DPP8: variants seen among roughly 807,000 people sequenced by gnomAD.
The protein encoded by DPP8 is dipeptidyl peptidase 8.
DPP8 carries 31 observed loss-of-function variants against 107.5 expected under a neutral mutation model. The ratio of observed to expected loss-of-function variants is 0.29; its 90% CI spans 0.22 to 0.39. DPP8 has a LOEUF of 0.39. Among genes scored for constraint, DPP8 ranks in the 10% least tolerant of loss-of-function variants. The probability of loss-of-function intolerance (pLI) is 1.00; values close to 1 mark genes in which losing one functional copy is unlikely to be tolerated. For synonymous variants in DPP8, 381 were observed against 356.6 expected (o/e 1.07, Z -0.77); for missense variants, 842 against 1,076.1 (o/e 0.78, Z 3.04).
chr15:65,480,148 T>C (rs2066782042), intron 10 of DPP8, 74 bp downstream of exon 10: 3 of 1,338,682 alleles, frequency 2.2e-6, no homozygotes, highest in Non-Finnish European at 3.1e-6. Context: ...TGCATTTTGA[T>C]AGTTTGCTAT....
intron 15 of DPP8, among the ~76,000 whole-genome samples, chr15:65,463,553 AAAAG>A (rs2065091877): frequency 6.6e-6 from 1 of 152,094 alleles, no homozygotes; most frequent in African/African-American, 2.4e-5. Flanking sequence ...AAAAAAAAAA[AAAAG>A]ACTCAGTGAT....
intron 2 of DPP8, among the ~76,000 whole-genome samples, chr15:65,509,908 C>G (rs2070541137): frequency 6.6e-6 from 1 of 152,078 alleles, no homozygotes; most frequent in Admixed American, 6.6e-5. Context: ...ATAGTCCCAG[C>G]TACTTGGGAG....
At chr15:65,452,914 G>A (rs1267214710) in intron 17 of DPP8, among the ~76,000 whole-genome samples, 1 of 151,994 alleles carries the variant, frequency 6.6e-6, no homozygotes, top group Non-Finnish European at 1.5e-5. Flanking sequence ...GGAGGTTGCA[G>A]TGAGCCGAGA....
intron 15 of DPP8, among the ~76,000 whole-genome samples, chr15:65,462,060 C>T (rs1416071351): frequency 6.6e-6 from 1 of 152,192 alleles, no homozygotes; most frequent in Admixed American, 6.6e-5. Flanking sequence ...CCTCCACCTC[C>T]CAGGTTCGAG....
rs1339871161 is a variant in DPP8, at chr15:65,445,236, C to T, written c.*1648G>A. The stretch of plus-strand genomic sequence containing the variant: ...TAGTCACCAACCTTACTAATGGAGG[C>T]TGTGCTCTCTATGGGGAAATCTACT... On this transcript the variant is annotated 3_prime_UTR_variant, in exon 20 of 20. Transcript: ENST00000300141. The T allele has an allele frequency of 6.6e-6, 1 of 152,184 alleles. No homozygotes were observed. Among genetic ancestry groups the T allele is most frequent in the Non-Finnish European group, 1.5e-5 (1 of 68,044 alleles). The allele number at this position is 152,184 out of a possible 1,614,324, so 9.4% of individuals were successfully genotyped here.
At chr15:65,503,479 C>A (rs1484362325) in intron 3 of DPP8, among the ~76,000 whole-genome samples, 1 of 151,122 alleles carries the variant, frequency 6.6e-6, no homozygotes, top group African/African-American at 2.4e-5. Flanking sequence ...CTCCCTTGGT[C>A]ACCCTAGCTG....
intron 7 of DPP8, among the ~76,000 whole-genome samples, chr15:65,485,600 C>T (rs1239542997): frequency 6.7e-6 from 1 of 148,850 alleles, no homozygotes; most frequent in Non-Finnish European, 1.5e-5. Context: ...AATAGTAATG[C>T]TTACCCAAAA....
intron 14 of DPP8, among the ~76,000 whole-genome samples, chr15:65,465,905 A>C (rs2065308931): frequency 6.6e-6 from 1 of 152,112 alleles, no homozygotes; most frequent in Admixed American, 6.5e-5. Context: ...CAAATAATTC[A>C]GTTTTTCTCT....
At chr15:65,472,907 G>A (rs535350229) in intron 12 of DPP8, among the ~76,000 whole-genome samples, 9 of 152,212 alleles carry the variant, frequency 5.9e-5, no homozygotes, top group Non-Finnish European at 7.4e-5. Context: ...GTGTGGTGGT[G>A]TGTGCCTGTA....
rs746259335 is a variant in DPP8, at chr15:65,487,798, G to C, written c.847C>G (p.Leu283Val). Residue 283 changes from leucine to valine, a missense_variant, in exon 7 of 20, where the codon CTT becomes GTT. Physicochemically the swap from Leu to Val is conservative, Grantham distance 32. Around this residue, in one of 2 missense-constraint regions of DPP8, gnomAD observed 663 missense variants for 758.0 expected, o/e 0.87. Coordinates refer to ENST00000300141, the MANE Select transcript of DPP8 (RefSeq NM_130434.5). Reference protein sequence around the residue: ...AETTPSGGKILRILYEENDES... With the variant: ...AETTPSGGKIVRILYEENDES... ...TCATTTTCTTCATATAGAATTCTAA[G>C]AATTTTACCACCACTGGGAGCTTAA... 28 of 1,567,002 alleles carry C rather than the reference G, an allele frequency of 1.8e-5. No homozygotes were observed. The highest frequency in any genetic ancestry group is 2.4e-5 in the Non-Finnish European group (27 of 1,142,794).
chr15:65,450,807 T>C, intron 19 of DPP8, 192 bp downstream of exon 19: 1 of 492,840 alleles, frequency 2.0e-6, no homozygotes, highest in Non-Finnish European at 3.6e-6. Context: ...TAGGCAGGTA[T>C]GTCAGCCTGA....
In DPP8 at chr15:65,480,239, T is replaced by C. The variant is rs745969043; in HGVS notation, c.1279A>G (p.Thr427Ala). ...ATGCATACATTTATCCAGATGTCTG[T>C]TGTTTCTTCATAGATAATTAGTGGC... is the stretch of plus-strand genomic sequence containing the variant. ...VTPLIIYEETTDIWINIHDIF... is the reference protein window; with the variant it reads ...VTPLIIYEETADIWINIHDIF... The change falls in exon 10 of 20, where the codon ACA (threonine) becomes GCA (alanine). Residue 427 changes from threonine to alanine, a missense_variant. Thr to Ala is a moderately conservative substitution (Grantham distance 58). Around this residue, in one of 2 missense-constraint regions of DPP8, gnomAD observed 663 missense variants for 758.0 expected, o/e 0.87. Coordinates refer to ENST00000300141, the MANE Select transcript of DPP8 (RefSeq NM_130434.5). 1 of 1,612,964 alleles carries C rather than the reference T, an allele frequency of 6.2e-7. No individual in the cohort carries two copies. The highest frequency in any genetic ancestry group is 1.1e-5 in the South Asian group (1 of 90,908).
chr15:65,516,336 G>A (rs1223805791), intron 1 of DPP8: 1 of 151,642 alleles, frequency 6.6e-6, no homozygotes, highest in Non-Finnish European at 1.5e-5. Context: ...TTCATCTTAA[G>A]TGCATTCCAT....
intron 3 of DPP8, among the ~76,000 whole-genome samples, chr15:65,505,206 T>G (rs2069806414): frequency 6.6e-6 from 1 of 151,582 alleles, no homozygotes; most frequent in African/African-American, 2.4e-5. Flanking sequence ...ATGCAAAAAA[T>G]TAGCTGGGCA....
chr15:65,477,179 G>C (rs1182803381), intron 11 of DPP8, among the ~76,000 whole-genome samples: 1 of 152,114 alleles, frequency 6.6e-6, no homozygotes, highest in Non-Finnish European at 1.5e-5. Flanking sequence ...CCAGCATTTT[G>C]GGAGGCCAAG....
At chr15:65,484,655 C>CA (rs1161936925) in intron 8 of DPP8, among the ~76,000 whole-genome samples, 35,238 of 98,170 alleles carry the variant, frequency 0.36, 5,309 homozygotes, top group East Asian at 0.74. Flanking sequence ...GCTCTTAACT[C>CA]AAAAAAAAAA....
Position 65,499,105 on chromosome 15 carries a change from G to GTGTGTGTGTGTGTA in DPP8, c.547-1074_547-1073insTACACACACACACA, listed in dbSNP as rs1555468189. ...TGTGTGTGTGTGTGTGTGTGTGTGT[G>GTGTGTGTGTGTGTA]TATATATAAATTTATTAAGATGAAT... On this transcript the variant is annotated intron_variant, in intron 4 of 19. Transcript: ENST00000300141. Among the ~76,000 whole-genome samples the GTGTGTGTGTGTGTA allele has an allele frequency of 3.9e-3, 546 of 138,784 alleles. 4 individuals carry two copies. Among genetic ancestry groups the GTGTGTGTGTGTGTA allele is most frequent in the African/African-American group, 0.011 (425 of 37,634 alleles). 91.0% of individuals were successfully genotyped at this position (138,784 alleles called of 152,430 possible). A position where few individuals can be genotyped will look rare whatever the true frequency, so the allele number is the denominator to read the frequency against.
intron 2 of DPP8, among the ~76,000 whole-genome samples, chr15:65,509,881 C>G (rs1405854368): frequency 6.6e-6 from 1 of 151,944 alleles, no homozygotes; most frequent in African/African-American, 2.4e-5. Flanking sequence ...ATTAGCTGGG[C>G]ATAGTGGTAT....
chr15:65,464,236 G>A (rs558525814), intron 14 of DPP8, among the ~76,000 whole-genome samples: 15 of 152,092 alleles, frequency 9.9e-5, no homozygotes, highest in African/African-American at 7.2e-5. Context: ...GGTGGCAGGC[G>A]CCTGTAGCCC....
Sources: allele counts gnomAD v4.1 joint callset (sites outside exome capture counted in the v4.1 genomes callset), GRCh38; gene constraint gnomAD v4.1.1; regional missense constraint gnomAD v4.1.1; transcripts MANE v1.5; gene names NCBI Gene and HGNC (gene_info 2026-07-23, HGNC 2026-07-21).